The following CUBN variants were observed in gnomAD, a reference collection of about 807,000 sequenced individuals.
CUBN encodes cubilin, also known as 460 kDa receptor.
Under a neutral mutation model 405.3 loss-of-function variants are expected in CUBN, and 282 were observed. That is an observed-to-expected ratio of 0.70 (90% CI 0.63 to 0.77). The LOEUF is 0.77. Ranked by LOEUF, CUBN falls within the 30% of genes least tolerant of loss-of-function variation. The probability of loss-of-function intolerance (pLI) is 0.00; values close to 1 mark genes in which losing one functional copy is unlikely to be tolerated. For synonymous variants in CUBN, 1,684 were observed against 1,617.0 expected (o/e 1.04, Z -0.99); for missense variants, 4,514 against 4,475.2 (o/e 1.01, Z -0.25).
chr10:16,938,814 GTAATCTAGAGGCAGTCTGCTCTAAACA>G, intron 38 of CUBN, 122 bp downstream of exon 38: 1 of 683,784 alleles, frequency 1.5e-6, no homozygotes, highest in Non-Finnish European at 2.6e-6. Flanking sequence ...CTTTGTCCAT[GTAATCTAGAGGCAGTCTGCTCTAAACA>G]TGATTTAGAG....
intron 39 of CUBN, 114 bp from the exon 40 acceptor site, chr10:16,933,398 A>C: frequency 4.5e-6 from 4 of 879,238 alleles, no homozygotes; most frequent in Non-Finnish European, 7.2e-6. Context: ...CAATTGAAAC[A>C]ATTTCTCAGA....
chr10:17,072,342 T>G lies in CUBN; in HGVS notation c.2302-371A>C, dbSNP rs115635103. ...CCAAATCTGCAATCAAAGAAAGTTA[T>G]GGACTAAACTACTTTTGCCATTGAA... On this transcript the variant is annotated intron_variant, in intron 17 of 66. Coordinates refer to ENST00000377833, the MANE Select transcript of CUBN (RefSeq NM_001081.4). Among the ~76,000 whole-genome samples, 639 of 152,100 alleles carry G rather than the reference T, an allele frequency of 4.2e-3. 4 individuals are homozygous for G. The highest frequency in any genetic ancestry group is 0.014 in the African/African-American group (591 of 41,492).
chr10:16,916,331 A>G (rs1388453972), intron 45 of CUBN, among the ~76,000 whole-genome samples: 1 of 152,236 alleles, frequency 6.6e-6, no homozygotes, highest in Non-Finnish European at 1.5e-5. Flanking sequence ...ACACTATGTA[A>G]GAGCTAATAG....
At chr10:16,922,295 A>G (rs1842056445) in intron 43 of CUBN, among the ~76,000 whole-genome samples, 1 of 151,858 alleles carries the variant, frequency 6.6e-6, no homozygotes, top group Non-Finnish European at 1.5e-5. Context: ...CTCACATCCA[A>G]CTGACCGCCA....
chr10:16,979,441 A>C (rs924037012), intron 31 of CUBN, among the ~76,000 whole-genome samples: 9 of 152,224 alleles, frequency 5.9e-5, no homozygotes, highest in African/African-American at 2.2e-4. Flanking sequence ...ACTTCAAACT[A>C]TACTACAAGC....
intron 4 of CUBN, among the ~76,000 whole-genome samples, chr10:17,124,079 C>T (rs1487142789): frequency 2.6e-5 from 4 of 152,228 alleles, no homozygotes; most frequent in South Asian, 2.1e-4. Context: ...ATGGAGATTC[C>T]GGTTATTTTA....
At chr10:16,998,336 G>A (rs913862537) in intron 28 of CUBN, among the ~76,000 whole-genome samples, 1 of 152,212 alleles carries the variant, frequency 6.6e-6, no homozygotes, top group Non-Finnish European at 1.5e-5. Flanking sequence ...CAGACACCAA[G>A]AAGGAAGAAG....
intron 14 of CUBN, 63 bp downstream of exon 14, chr10:17,099,942 C>G (rs1836459459): frequency 9.7e-7 from 1 of 1,027,634 alleles, no homozygotes; most frequent in South Asian, 1.3e-5. Context: ...AAGTCTAACA[C>G]TGATTAAGAA....
At chr10:16,948,203 C>A (rs1284533481) in intron 35 of CUBN, among the ~76,000 whole-genome samples, 1 of 152,156 alleles carries the variant, frequency 6.6e-6, no homozygotes, top group East Asian at 1.9e-4. Context: ...AGTGAGACTC[C>A]ATCTCAAAAA....
chr10:16,877,973 G>A (rs910578778), intron 56 of CUBN, among the ~76,000 whole-genome samples: 5 of 152,170 alleles, frequency 3.3e-5, no homozygotes, highest in African/African-American at 1.2e-4. Context: ...GCATTTGTAT[G>A]TGATTAAATA....
rs903665705 is a variant in CUBN at position 16,879,273 on chromosome 10, G to A, written c.8906-2176C>T. ...TTAGCCATTCTGGTGCATGCGAAAC[G>A]AAACTTCATTGTGATATTTAATTTT... On this transcript the variant is annotated intron_variant, in intron 56 of 66. Coordinates refer to ENST00000377833, the MANE Select transcript of CUBN (RefSeq NM_001081.4). Among the ~76,000 whole-genome samples, 7 of 152,146 alleles carry A rather than the reference G, an allele frequency of 4.6e-5. No individual in the cohort carries two copies. In the East Asian group the frequency reaches 5.8e-4, roughly 13 times the overall value.
chr10:16,862,802 G>A (rs1026103666), intron 59 of CUBN, among the ~76,000 whole-genome samples: 12 of 152,138 alleles, frequency 7.9e-5, no homozygotes, highest in African/African-American at 2.9e-4. Context: ...ACAAAACTAG[G>A]TCGCGTCTTG....
At chr10:17,100,281 G>T in intron 13 of CUBN, 42 bp from the exon 14 acceptor site, 1 of 1,350,164 alleles carries the variant, frequency 7.4e-7, no homozygotes, top group Non-Finnish European at 1.1e-6. Context: ...TTACTTCCAT[G>T]TAAATTTTAA....
chr10:17,123,171 A>G (rs895219231), intron 5 of CUBN, among the ~76,000 whole-genome samples: 8 of 152,200 alleles, frequency 5.3e-5, no homozygotes, highest in African/African-American at 1.7e-4. Context: ...CAGTGGTGCT[A>G]CATCTGGGAA....
chr10:16,892,028 C>G lies in CUBN; in HGVS notation c.8599-1501G>C, dbSNP rs189710576. Among the ~76,000 whole-genome samples, 11 of 152,304 alleles carry G rather than the reference C, an allele frequency of 7.2e-5. No individual in the cohort carries two copies. The East Asian group carries it at 9.6e-4, about 13-fold the overall frequency. On this transcript the variant is annotated intron_variant, in intron 54 of 66. Coordinates refer to ENST00000377833, the MANE Select transcript of CUBN (RefSeq NM_001081.4). ...ACCAAATTACTCATTCCAAACACAT[C>G]TCTTCTCAAGGATATTCCTCACCCA...
intron 31 of CUBN, among the ~76,000 whole-genome samples, chr10:16,958,178 C>A (rs1843123589): frequency 6.6e-6 from 1 of 152,152 alleles, no homozygotes; most frequent in African/African-American, 2.4e-5. Flanking sequence ...TTGAAAGGGG[C>A]ACACCTAGAA....
At chr10:16,861,812 T>C (rs1270742127) in intron 59 of CUBN, among the ~76,000 whole-genome samples, 6 of 152,138 alleles carry the variant, frequency 3.9e-5, no homozygotes, top group Non-Finnish European at 8.8e-5. Context: ...CATAGATCCC[T>C]TCTTTCTTGC....
rs1306572315 is a variant in CUBN at position 17,109,564 on chromosome 10, TTG to T, written c.1111+74_1111+75del. 3 of 1,185,424 alleles carry T rather than the reference TTG, an allele frequency of 2.5e-6. No individual in the cohort carries two copies. In the African/African-American group the frequency reaches 4.5e-5, roughly 18 times the overall value. The allele number at this position is 1,185,424 out of a possible 1,614,324, so 73.4% of individuals were successfully genotyped here. On this transcript the variant is annotated intron_variant, in intron 10 of 66. Coordinates refer to ENST00000377833, the MANE Select transcript of CUBN (RefSeq NM_001081.4). ...ATAACAATTTTGAGAACAGAGGATT[TTG>T]TGTTTAAGATGTTGAATTGGTTTAG... is the stretch of plus-strand genomic sequence containing the variant.
chr10:16,981,433 G>A (rs1417477562), intron 31 of CUBN, among the ~76,000 whole-genome samples: 2 of 65,990 alleles, frequency 3.0e-5, no homozygotes, highest in African/African-American at 6.2e-5. Context: ...CACTGGACAA[G>A]AACTTGGGTA....
Sources: gnomAD v4.1 joint callset for allele counts (sites outside exome capture counted in the v4.1 genomes callset) on GRCh38, gnomAD v4.1.1 for gene constraint, MANE v1.5 for transcripts, NCBI Gene and HGNC (gene_info 2026-07-23, HGNC 2026-07-21) for gene names.